FABP6: variants seen among roughly 807,000 people sequenced by gnomAD.
FABP6 encodes gastrotropin.
In FABP6, 13 loss-of-function variants were observed where a neutral mutation model predicts 14.9. The observed-to-expected ratio is 0.87, with a 90% confidence interval of 0.57 to 1.39. The LOEUF (loss-of-function observed/expected upper bound fraction) is 1.39. Ranked by LOEUF, FABP6 falls within the 40% of genes most tolerant of loss-of-function variation. FABP6 has a pLI of 0.00. For missense variants in FABP6, 161 were observed against 167.2 expected (o/e 0.96, Z 0.20); for synonymous variants, 75 against 63.6 (o/e 1.18, Z -0.85).
chr5:160,204,833 G>C (rs907672031), intron 2 of FABP6: 1 of 152,184 alleles, frequency 6.6e-6, no homozygotes, highest in Non-Finnish European at 1.5e-5. Flanking sequence ...CTGTGGAGAG[G>C]GAAAGAAGCC....
At chr5:160,197,811 A>G (rs1759540430) in intron 1 of FABP6, 1 of 152,056 alleles carries the variant, frequency 6.6e-6, no homozygotes, top group East Asian at 1.9e-4. Flanking sequence ...AGGAATGGGG[A>G]AGGCAGGGAA....
At chr5:160,229,456 A>G (rs1305656945), upstream of FABP6, 3 of 1,586,706 alleles carry the variant, frequency 1.9e-6, no homozygotes, top group Non-Finnish European at 2.6e-6. Flanking sequence ...TTAGGGGCTG[A>G]GCCTCAGCAA....
intron 1 of FABP6, chr5:160,197,954 ATG>A (rs1554111886): frequency 2.3e-4 from 23 of 100,212 alleles, no homozygotes; most frequent in South Asian, 3.0e-4. Flanking sequence ...GTGTGTGTGT[ATG>A]TGTGTGTGTG....
At chr5:160,217,685 G>T (rs1425492252) in intron 3 of FABP6, among the ~76,000 whole-genome samples, 1 of 152,086 alleles carries the variant, frequency 6.6e-6, no homozygotes. Context: ...TGCCCAAGCT[G>T]CAGTGCAGCG....
chr5:160,192,662 G>A (rs1221342483), intron 1 of FABP6, among the ~76,000 whole-genome samples: 1 of 152,242 alleles, frequency 6.6e-6, no homozygotes, highest in Non-Finnish European at 1.5e-5. Flanking sequence ...AGAGACACAG[G>A]CTCAGTCCTG....
At chr5:160,195,780 G>C (rs1282465527) in intron 1 of FABP6, 1 of 152,178 alleles carries the variant, frequency 6.6e-6, no homozygotes, top group Non-Finnish European at 1.5e-5. Context: ...GTCCATGAAG[G>C]TTCATATTGC....
At chr5:160,213,208 T>C (rs548133214) in intron 2 of FABP6, among the ~76,000 whole-genome samples, 2 of 152,250 alleles carry the variant, frequency 1.3e-5, no homozygotes, top group South Asian at 4.1e-4. Context: ...CAACGAAAGG[T>C]GGGCCCACCT....
chr5:160,238,627 A>T lies in FABP6; in HGVS notation c.355A>T (p.Thr119Ser), dbSNP rs1760571660. 6.2e-7 allele frequency: 1 copy of T among 1,613,846 alleles called. No individual in the cohort carries two copies. Among genetic ancestry groups the T allele is most frequent in the Non-Finnish European group, 8.5e-7 (1 of 1,179,920 alleles). The stretch of plus-strand genomic sequence containing the variant: ...TCAGGTCTCCACCATCGGAGGCGTG[A>T]CCTATGAGCGCGTGAGCAAGAGACT... ...LVEVSTIGGVTYERVSKRLA is the reference protein window; with the variant it reads ...LVEVSTIGGVSYERVSKRLA The change falls in exon 4 of 4, where the codon ACC (threonine) becomes TCC (serine). Residue 119 changes from threonine (T) to serine (S), a missense_variant. By Grantham distance (58) the Thr-to-Ser change is moderately conservative. Coordinates refer to ENST00000402432, the MANE Select transcript of FABP6 (RefSeq NM_001445.3).
upstream of FABP6, chr5:160,228,554 C>G (rs1032320928): frequency 1.3e-5 from 6 of 456,096 alleles, no homozygotes; most frequent in African/African-American, 1.2e-4. Flanking sequence ...CTGAGAGACA[C>G]AGCAGGAAAT....
exon 2 of FABP6, chr5:160,199,057 C>A (rs770574469): frequency 6.2e-7 from 1 of 1,608,722 alleles, no homozygotes; most frequent in Admixed American, 1.7e-5. Flanking sequence ...AGACTTTGCA[C>A]CTCTGGCTCC....
At chr5:160,197,188 T>C (rs898685528) in intron 1 of FABP6, 1 of 152,238 alleles carries the variant, frequency 6.6e-6, no homozygotes, top group Non-Finnish European at 1.5e-5. Flanking sequence ...CTCCATAAGG[T>C]GGGAAGAGGG....
intron 1 of FABP6, among the ~76,000 whole-genome samples, chr5:160,188,636 C>T (rs1039252325): frequency 3.3e-5 from 5 of 152,246 alleles, no homozygotes; most frequent in Non-Finnish European, 7.3e-5. Flanking sequence ...TGGGCTGCGA[C>T]CCCCGACTTT....
chr5:160,205,430 G>A (rs1561744638), intron 2 of FABP6, among the ~76,000 whole-genome samples: 1 of 151,622 alleles, frequency 6.6e-6, no homozygotes, highest in Non-Finnish European at 1.5e-5. Flanking sequence ...CTGCACAAGT[G>A]TGCACACTCC....
At chr5:160,219,474 A>G (rs1159367224) in intron 3 of FABP6, among the ~76,000 whole-genome samples, 4 of 152,166 alleles carry the variant, frequency 2.6e-5, no homozygotes, top group East Asian at 1.9e-4. Context: ...GAGGTTCTCA[A>G]TGAGGGTCTG....
intron 1 of FABP6, among the ~76,000 whole-genome samples, chr5:160,194,189 A>T (rs1197749758): frequency 6.6e-6 from 1 of 152,180 alleles, no homozygotes; most frequent in East Asian, 1.9e-4. Flanking sequence ...GGCTGCTCCC[A>T]GTGCGGGACC....
At chr5:160,190,275 C>T (rs1759367961) in intron 1 of FABP6, among the ~76,000 whole-genome samples, 1 of 152,166 alleles carries the variant, frequency 6.6e-6, no homozygotes, top group South Asian at 2.1e-4. Context: ...TCTTGTTGCC[C>T]AGGCTGGAAT....
chr5:160,232,317 C>T (rs1760408057), intron 2 of FABP6, 44 bp downstream of exon 2: 1 of 1,519,134 alleles, frequency 6.6e-7, no homozygotes, highest in South Asian at 1.3e-5. Context: ...AGGCCTCCAT[C>T]TGACTTCTCC....
intron 1 of FABP6, among the ~76,000 whole-genome samples, chr5:160,193,867 C>T (rs1486653134): frequency 6.6e-6 from 1 of 152,270 alleles, no homozygotes; most frequent in Admixed American, 6.5e-5. Flanking sequence ...GCAGGTGGAG[C>T]TGCCTGCCAG....
At chr5:160,198,211 C>T (rs1759556386) in intron 1 of FABP6, 1 of 152,068 alleles carries the variant, frequency 6.6e-6, no homozygotes, top group Non-Finnish European at 1.5e-5. Context: ...GTCCTTTGCC[C>T]CCTCCTCTTA....
Sources: allele counts gnomAD v4.1 joint callset (sites outside exome capture counted in the v4.1 genomes callset), GRCh38; gene constraint gnomAD v4.1.1; transcripts MANE v1.5; gene names NCBI Gene and HGNC (gene_info 2026-07-23, HGNC 2026-07-21).